Variants in DOCK2 observed in about 807,000 individuals in gnomAD.
DOCK2 encodes dedicator of cytokinesis 2, also known as dedicator of cytokinesis protein 2.
In DOCK2, 87 loss-of-function variants were observed where a neutral mutation model predicts 248.9. That is an observed-to-expected ratio of 0.35 (90% CI 0.29 to 0.42). The LOEUF is 0.42. Among genes scored for constraint, DOCK2 ranks in the 10% least tolerant of loss-of-function variants. The pLI, the probability that DOCK2 is intolerant of heterozygous loss-of-function variation, is 1.00. For synonymous variants in DOCK2, 805 were observed against 821.6 expected (o/e 0.98, Z 0.35); for missense variants, 1,747 against 2,300.2 (o/e 0.76, Z 4.92).
chr5:169,985,642 A>G (rs1778049846), intron 28 of DOCK2, among the ~76,000 whole-genome samples, 186 bp from the exon 29 acceptor site: 1 of 152,154 alleles, frequency 6.6e-6, no homozygotes, highest in Non-Finnish European at 1.5e-5. Flanking sequence ...TTCATGTTCC[A>G]CTGACATTTG....
intron 27 of DOCK2, among the ~76,000 whole-genome samples, chr5:169,850,357 T>G (rs750757230): frequency 6.6e-6 from 1 of 152,210 alleles, no homozygotes; most frequent in African/African-American, 2.4e-5. Context: ...TCAAAGCCCA[T>G]CTTCTTAAGC....
At chr5:169,742,486 C>T (rs993339272) in intron 22 of DOCK2, among the ~76,000 whole-genome samples, 2 of 152,226 alleles carry the variant, frequency 1.3e-5, no homozygotes, top group South Asian at 2.1e-4. Context: ...TCTATTGCTT[C>T]GAAGAGTCAG....
intron 27 of DOCK2, among the ~76,000 whole-genome samples, chr5:169,903,769 C>G (rs1319435893): frequency 2.0e-5 from 3 of 151,684 alleles, no homozygotes; most frequent in African/African-American, 7.3e-5. Flanking sequence ...GAAGTTTGGA[C>G]TTAACCCTAA....
chr5:170,072,396 T>C (rs1422958936), intron 46 of DOCK2, among the ~76,000 whole-genome samples: 1 of 152,256 alleles, frequency 6.6e-6, no homozygotes, highest in African/African-American at 2.4e-5. Flanking sequence ...ATTGTATGTG[T>C]ATCTAAATTA....
intron 26 of DOCK2, among the ~76,000 whole-genome samples, chr5:169,828,965 G>A (rs996845198): frequency 2.6e-5 from 4 of 152,180 alleles, no homozygotes; most frequent in African/African-American, 7.2e-5. Context: ...AGTGTAAGAG[G>A]GGGCAGCTCC....
chr5:169,808,500 C>T (rs1489339060), intron 26 of DOCK2, among the ~76,000 whole-genome samples: 2 of 152,024 alleles, frequency 1.3e-5, no homozygotes, highest in African/African-American at 4.8e-5. Context: ...TTCCCTCACC[C>T]AGCTTGCTCC....
intron 18 of DOCK2, 34 bp downstream of exon 18, chr5:169,714,245 AGTGTGTGTGTCC>A (rs2113536714): frequency 6.3e-7 from 1 of 1,599,458 alleles, no homozygotes; most frequent in Non-Finnish European, 8.5e-7. Flanking sequence ...GTCTGTGGGG[AGTGTGTGTGTCC>A]GTGTGTGTGT....
At chr5:169,759,663 T>C in intron 23 of DOCK2, 42 bp from the exon 24 acceptor site, 1 of 1,609,710 alleles carries the variant, frequency 6.2e-7, no homozygotes, top group Non-Finnish European at 8.5e-7. Flanking sequence ...CACAGACTTG[T>C]TGATGTGAGG....
intron 27 of DOCK2, among the ~76,000 whole-genome samples, chr5:169,861,689 G>A (rs569840548): frequency 2.6e-5 from 4 of 152,144 alleles, no homozygotes; most frequent in African/African-American, 9.7e-5. Context: ...ATGCAGTTTT[G>A]GTATATGTGT....
rs117617325 is a variant in DOCK2, at chr5:169,791,696, C to T, written c.2555-11362C>T. Among the ~76,000 whole-genome samples the T allele has an allele frequency of 2.8e-4, 43 of 152,316 alleles. No homozygotes were observed. In the East Asian group the frequency reaches 8.1e-3, roughly 29 times the overall value. ...AGACAGGTCCATGCTGGGGCCTTGC[C>T]TCTGTTGGAGACACACTAGCTGGGT... On this transcript the variant is annotated intron_variant, in intron 25 of 51. Transcript: ENST00000520908.
chr5:169,956,914 T>C lies in DOCK2; in HGVS notation c.2800-26154T>C, dbSNP rs80306654. Among the ~76,000 whole-genome samples the C allele has an allele frequency of 1.0e-2, 1,517 of 152,302 alleles. 76 individuals carry two copies. In the East Asian group the frequency reaches 0.14, roughly 14 times the overall value. On this transcript the variant is annotated intron_variant, in intron 27 of 51. Transcript: ENST00000520908. ...TGTATTGGCCAACATGCCTGGTTTCTGTCCCTGGAGGGCCTGCAGAGCCAG... is the reference window on the plus strand; with the variant it reads ...TGTATTGGCCAACATGCCTGGTTTCCGTCCCTGGAGGGCCTGCAGAGCCAG...
intron 22 of DOCK2, among the ~76,000 whole-genome samples, chr5:169,742,540 T>C (rs1581126079): frequency 6.6e-6 from 1 of 152,312 alleles, no homozygotes; most frequent in South Asian, 2.1e-4. Flanking sequence ...TGGAAGTGAC[T>C]GAGGTACAGA....
chr5:170,016,715 T>C (rs1008190803), intron 32 of DOCK2, among the ~76,000 whole-genome samples: 12 of 152,364 alleles, frequency 7.9e-5, no homozygotes, highest in East Asian at 1.9e-4. Flanking sequence ...AAGGCCTTTG[T>C]TGCATAAGCA....
intron 26 of DOCK2, among the ~76,000 whole-genome samples, chr5:169,832,223 A>G (rs1045359781): frequency 6.6e-6 from 1 of 152,194 alleles, no homozygotes; most frequent in Non-Finnish European, 1.5e-5. Context: ...ATATAATAAG[A>G]CCTTGAAACT....
Position 170,080,223 on chromosome 5 carries a change from C to T in DOCK2, c.5227C>T (p.Leu1743Phe). 6.2e-7 allele frequency: 1 copy of T among 1,614,164 alleles called. No individual in the cohort carries two copies. The highest frequency in any genetic ancestry group is 8.5e-7 in the Non-Finnish European group (1 of 1,180,030). The change falls in exon 50 of 52, where the codon CTC becomes TTC. Residue 1743 changes from leucine (L) to phenylalanine (F), a missense_variant. Physicochemically the swap from Leu to Phe is conservative, Grantham distance 22. Coordinates refer to ENST00000520908, the MANE Select transcript of DOCK2 (RefSeq NM_004946.3). ...CCTCTCGGAGCATGCGGCCATCCCC[C>T]TCAAGGCGTCTGTCCTCTCTCAAAT... ...TNLSEHAAIP[L>F]KASVLSQMSF...
rs1756497698 is a variant in DOCK2 at position 170,041,085 on chromosome 5, G to C, written c.3696G>C (p.Leu1232=). The C allele has an allele frequency of 6.2e-7, 1 of 1,613,830 alleles. No homozygotes were observed. Among genetic ancestry groups the C allele is most frequent in the Admixed American group, 1.7e-5 (1 of 59,990 alleles). ...TGTACAAACTCCGCGATCTTCACCT[G>C]GACTGTGACAATTACACAGAGGCTG... ...RYLYKLRDLH[L]DCDNYTEAAY... is the part of the protein sequence containing the mutation. Residue 1232 remains leucine (L), a synonymous_variant, in exon 37 of 52, where the codon CTG becomes CTC. Coordinates refer to ENST00000520908, the MANE Select transcript of DOCK2 (RefSeq NM_004946.3).
chr5:169,824,795 C>T (rs1026781338), intron 26 of DOCK2, among the ~76,000 whole-genome samples: 2 of 152,188 alleles, frequency 1.3e-5, no homozygotes, highest in African/African-American at 4.8e-5. Context: ...AACTAAAGAG[C>T]TTCTGCACAG....
chr5:170,012,227 C>T (rs191002803), intron 32 of DOCK2, among the ~76,000 whole-genome samples: 15 of 151,254 alleles, frequency 9.9e-5, no homozygotes, highest in Non-Finnish European at 1.3e-4. Flanking sequence ...CAACGATCTA[C>T]GCTTTTTCAA....
chr5:170,070,722 A>G (rs1394744169), intron 46 of DOCK2, among the ~76,000 whole-genome samples: 2 of 152,150 alleles, frequency 1.3e-5, no homozygotes, highest in Admixed American at 1.3e-4. Flanking sequence ...GTCACTCTGA[A>G]TCTATACAAT....
Sources: allele counts gnomAD v4.1 joint callset (sites outside exome capture counted in the v4.1 genomes callset), GRCh38; gene constraint gnomAD v4.1.1; transcripts MANE v1.5; gene names NCBI Gene and HGNC (gene_info 2026-07-23, HGNC 2026-07-21).